The following SP100 variants were observed in gnomAD, a reference collection of about 807,000 sequenced individuals.
SP100 encodes the protein SP100 nuclear body protein.
SP100 carries 84 observed loss-of-function variants against 130.0 expected under a neutral mutation model. The ratio of observed to expected loss-of-function variants is 0.65; its 90% CI spans 0.54 to 0.77. The LOEUF is 0.77. SP100 is among the 30% of genes least tolerant of loss of function. SP100 has a pLI of 0.00. For missense variants in SP100, 978 were observed against 1,052.2 expected, an observed-to-expected ratio of 0.93 and a Z score of 0.97; for synonymous variants, 331 against 351.7, an observed-to-expected ratio of 0.94 and a Z score of 0.66.
Position 230,416,312 on chromosome 2 carries a change from G to A in SP100, c.16G>A (p.Gly6Ser), listed in dbSNP as rs151275724. 9.2e-5 allele frequency: 149 copies of A among 1,613,448 alleles called. No individual in the cohort carries two copies. In the East Asian group the frequency reaches 2.9e-3, roughly 31 times the overall value. The change falls in exon 1 of 29, where the codon GGC becomes AGC. Residue 6 changes from glycine to serine, a missense_variant. By Grantham distance (56) the Gly-to-Ser change is moderately conservative. Coordinates refer to ENST00000340126, the MANE Select transcript of SP100 (RefSeq NM_001080391.2). MAGGG[G>S]DLSTRRLNEC... ...GGGTGGGAAGATGGCAGGTGGGGGC[G>A]GCGACCTGAGCACCAGGTGAGTCTT...
At chr2:230,495,600 A>C (rs1021494378) in intron 18 of SP100, among the ~76,000 whole-genome samples, 3 of 152,220 alleles carry the variant, frequency 2.0e-5, no homozygotes, top group Admixed American at 2.0e-4. Context: ...GATTACAGGC[A>C]GTGAACCAAA....
chr2:230,504,394 C>A (rs527642049), intron 21 of SP100, 104 bp downstream of exon 21: 1 of 625,726 alleles, frequency 1.6e-6, no homozygotes, highest in Non-Finnish European at 2.8e-6. Flanking sequence ...CAAAACCAGC[C>A]CCAGGCTTGA....
At chr2:230,424,539 G>A (rs1364292487) in intron 2 of SP100, among the ~76,000 whole-genome samples, 2 of 151,996 alleles carry the variant, frequency 1.3e-5, no homozygotes, top group Admixed American at 6.6e-5. Context: ...GTGGTGGCAG[G>A]CACCTGTAAT....
intron 2 of SP100, among the ~76,000 whole-genome samples, chr2:230,425,786 T>G (rs1465393746): frequency 6.7e-6 from 1 of 149,914 alleles, no homozygotes; most frequent in African/African-American, 2.4e-5. Context: ...AGTTTGGAAC[T>G]GTTCCTTGCT....
intron 2 of SP100, among the ~76,000 whole-genome samples, chr2:230,429,579 C>G (rs1475151078): frequency 6.6e-6 from 1 of 152,042 alleles, no homozygotes; most frequent in Non-Finnish European, 1.5e-5. Flanking sequence ...TTCAGTAATT[C>G]CCATAATTTG....
chr2:230,431,077 G>A (rs763736531), intron 2 of SP100, among the ~76,000 whole-genome samples: 2 of 152,222 alleles, frequency 1.3e-5, no homozygotes, highest in Admixed American at 6.5e-5. Context: ...GCCAAATAGG[G>A]CCACCAGCTT....
chr2:230,474,594 T>G lies in SP100; in HGVS notation c.1600+147T>G, dbSNP rs1033056040. 5 of 581,294 alleles carry G rather than the reference T, an allele frequency of 8.6e-6. No homozygotes were observed. The African/African-American group carries it at 9.7e-5, about 11-fold the overall frequency. 36.0% of individuals were successfully genotyped at this position (581,294 alleles called of 1,614,324 possible). ...AGGTTTGTTACATGGGTAAATTGTGTGATGCTGAGGCTTGGTGTCCCAAAA... is the reference window on the plus strand; with the variant it reads ...AGGTTTGTTACATGGGTAAATTGTGGGATGCTGAGGCTTGGTGTCCCAAAA... On this transcript the variant is annotated intron_variant, in intron 17 of 28. Transcript: ENST00000340126.
intron 24 of SP100, among the ~76,000 whole-genome samples, chr2:230,520,164 A>G (rs528792531): frequency 6.6e-6 from 1 of 152,334 alleles, no homozygotes; most frequent in Admixed American, 6.5e-5. Flanking sequence ...ATCAGTTTTT[A>G]TGAAGCTTGC....
intron 24 of SP100, among the ~76,000 whole-genome samples, chr2:230,514,717 AC>A (rs1379251983): frequency 1.3e-5 from 2 of 152,184 alleles, no homozygotes; most frequent in Non-Finnish European, 2.9e-5. Flanking sequence ...CTTTGCTGGA[AC>A]TTTTTCGTTA....
intron 5 of SP100, among the ~76,000 whole-genome samples, chr2:230,448,347 C>T (rs1161414850): frequency 1.3e-5 from 2 of 152,144 alleles, no homozygotes; most frequent in Non-Finnish European, 2.9e-5. Context: ...TGAACATCTA[C>T]TCTGTGGCGG....
intron 24 of SP100, among the ~76,000 whole-genome samples, chr2:230,528,242 G>A (rs1691520577): frequency 6.6e-6 from 1 of 152,196 alleles, no homozygotes; most frequent in Non-Finnish European, 1.5e-5. Context: ...TCAGACCACA[G>A]TGTAATTAAA....
At chr2:230,494,698 G>T (rs2066569653) in intron 18 of SP100, among the ~76,000 whole-genome samples, 1 of 152,122 alleles carries the variant, frequency 6.6e-6, no homozygotes, top group African/African-American at 2.4e-5. Context: ...TTAACATGAG[G>T]TTTCCAACTG....
intron 24 of SP100, among the ~76,000 whole-genome samples, chr2:230,523,668 C>T (rs976968523): frequency 2.6e-5 from 4 of 151,226 alleles, no homozygotes; most frequent in African/African-American, 4.9e-5. Flanking sequence ...CAGCACTTTG[C>T]GGGGCCAAGG....
At chr2:230,514,598 G>A (rs1441591568) in intron 24 of SP100, among the ~76,000 whole-genome samples, 2 of 152,012 alleles carry the variant, frequency 1.3e-5, no homozygotes, top group Admixed American at 6.6e-5. Flanking sequence ...AAAAATCATA[G>A]GCCAATTTTA....
At chr2:230,517,015 T>G (rs765469566) in intron 24 of SP100, among the ~76,000 whole-genome samples, 3 of 152,160 alleles carry the variant, frequency 2.0e-5, no homozygotes, top group African/African-American at 7.2e-5. Context: ...TTTTATAAAT[T>G]TATATAATTT....
chr2:230,471,303 T>C (rs975421743), intron 15 of SP100, among the ~76,000 whole-genome samples: 1 of 152,208 alleles, frequency 6.6e-6, no homozygotes, highest in African/African-American at 2.4e-5. Flanking sequence ...AGAGTAGGGC[T>C]ATGAGGTGTA....
intron 15 of SP100, 25 bp from the exon 16 acceptor site, chr2:230,473,299 A>C: frequency 6.4e-7 from 1 of 1,553,352 alleles, no homozygotes; most frequent in Non-Finnish European, 8.9e-7. Flanking sequence ...GGCACAAATA[A>C]AAATGTTTAC....
chr2:230,439,598 T>C (rs745865926), intron 2 of SP100, among the ~76,000 whole-genome samples: 3 of 152,036 alleles, frequency 2.0e-5, no homozygotes, highest in Non-Finnish European at 4.4e-5. Flanking sequence ...TTTTGGTTTA[T>C]TTTTTATTTA....
chr2:230,471,326 G>A (rs1297526528), intron 15 of SP100, among the ~76,000 whole-genome samples: 2 of 152,154 alleles, frequency 1.3e-5, no homozygotes, highest in East Asian at 3.9e-4. Context: ...CATTGATATA[G>A]GTGTATTTTT....
Sources: gnomAD v4.1 joint callset for allele counts (sites outside exome capture counted in the v4.1 genomes callset) on GRCh38, gnomAD v4.1.1 for gene constraint, MANE v1.5 for transcripts, NCBI Gene and HGNC (gene_info 2026-07-23, HGNC 2026-07-21) for gene names.